The following AKAP17A variants were observed in gnomAD, a reference collection of about 807,000 sequenced individuals.
The protein encoded by AKAP17A is A-kinase anchor protein 17A.
In AKAP17A, 15 loss-of-function variants were observed where a neutral mutation model predicts 52.2. The ratio of observed to expected loss-of-function variants is 0.29; its 90% CI spans 0.19 to 0.44. The LOEUF is 0.44. Ranked by LOEUF, AKAP17A falls within the 20% of genes least tolerant of loss-of-function variation. AKAP17A has a pLI of 1.00. For missense variants in AKAP17A, 1,060 were observed against 1,007.0 expected (o/e 1.05, Z -0.71); for synonymous variants, 514 against 424.7 (o/e 1.21, Z -2.58).
rs1221538677 is a variant in AKAP17A at position 1,596,886 on chromosome X, T to TCC, written c.911+1354_911+1355insCC. Among the ~76,000 whole-genome samples the TCC allele has an allele frequency of 6.9e-4, 94 of 137,012 alleles. 20 individuals are homozygous for TCC. Among genetic ancestry groups the TCC allele is most frequent in the African/African-American group, 2.6e-3 (91 of 35,194 alleles). 89.9% of individuals were successfully genotyped at this position (137,012 alleles called of 152,430 possible). A position where few individuals can be genotyped will look rare whatever the true frequency, so the allele number is the denominator to read the frequency against. On this transcript the variant is annotated intron_variant, in intron 3 of 4. Coordinates refer to ENST00000313871, the MANE Select transcript of AKAP17A (RefSeq NM_005088.3). ...TAGTGAGGTGGATTCCTCCTCCTCC[T>TCC]TCTCCGTCCCTCCCACCCTCCTAGT...
rs1933208188 is a variant in AKAP17A, at chrX:1,599,239, A to G, written c.959A>G (p.Glu320Gly). ...EELERERKREEKLRKREQKQR... is the reference protein window; with the variant it reads ...EELERERKREGKLRKREQKQR... The stretch of plus-strand genomic sequence containing the variant: ...CTGGAGCGAGAGAGGAAAAGAGAAG[A>G]GAAGCTTCGCAAGAGGGAGCAGAAG... The change falls in exon 4 of 5, where the codon GAG (glutamate) becomes GGG (glycine). Residue 320 changes from glutamate to glycine, a missense_variant. Glu to Gly is a moderately conservative substitution (Grantham distance 98, BLOSUM62 -2). Transcript: ENST00000313871. 1 of 1,612,564 alleles carries G rather than the reference A, an allele frequency of 6.2e-7. No homozygotes were observed. Among genetic ancestry groups the G allele is most frequent in the African/African-American group, 1.3e-5 (1 of 74,876 alleles).
rs1933332043 is a variant in AKAP17A at position 1,600,912 on chromosome X, A to G, written c.1406A>G (p.Asp469Gly). The G allele has an allele frequency of 6.3e-7, 1 of 1,577,010 alleles. No homozygotes were observed. The highest frequency in any genetic ancestry group is 1.1e-5 in the South Asian group (1 of 87,728). Residue 469 changes from aspartate to glycine, a missense_variant, in exon 5 of 5, where the codon GAC becomes GGC. Asp to Gly is a moderately conservative substitution (Grantham distance 94, BLOSUM62 -1). This residue lies in a region of AKAP17A where 793 missense variants were observed against 629.9 expected (regional missense o/e 1.26). Transcript: ENST00000313871. ...AHADLLQPVL[D>G]ILQTVSSGCV... ...GCCGACCTGCTGCAGCCCGTCCTGG[A>G]CATCCTGCAGACCGTGTCGTCCGGC... is the stretch of plus-strand genomic sequence containing the variant.
At position 1,594,182 on chromosome X, in the gene AKAP17A, G is replaced by C; in HGVS notation, c.720G>C (p.Met240Ile). 1 of 1,580,264 alleles carries C rather than the reference G, an allele frequency of 6.3e-7. No homozygotes were observed. Among genetic ancestry groups the C allele is most frequent in the Non-Finnish European group, 8.6e-7 (1 of 1,160,126 alleles). The stretch of plus-strand genomic sequence containing the variant: ...GCGCCCTGCGCGGGATGAAACTCAT[G>C]TACAAGGGCGAGGACGGCAAGGCCG... ...AMSALRGMKLMYKGEDGKAVA... is the reference protein window; with the variant it reads ...AMSALRGMKLIYKGEDGKAVA... Residue 240 changes from methionine (M) to isoleucine (I), a missense_variant, in exon 2 of 5, where the codon ATG becomes ATC. Met to Ile is a conservative substitution (Grantham distance 10). Around this residue, in one of 2 missense-constraint regions of AKAP17A, gnomAD observed 267 missense variants for 377.1 expected, o/e 0.71. Coordinates refer to ENST00000313871, the MANE Select transcript of AKAP17A (RefSeq NM_005088.3).
In AKAP17A at chrX:1,601,755, C is replaced by A; in HGVS notation, c.*161C>A. On this transcript the variant is annotated 3_prime_UTR_variant, in exon 5 of 5. Coordinates refer to ENST00000313871, the MANE Select transcript of AKAP17A (RefSeq NM_005088.3). ...CGCCGGCAGGAAGGAAGACACCATG[C>A]TTTAGAGATCCATCTTTCTCCACTC... The A allele has an allele frequency of 1.7e-6, 1 of 573,978 alleles. No homozygotes were observed. The highest frequency in any genetic ancestry group is 2.7e-6 in the Non-Finnish European group (1 of 367,120). 35.6% of individuals were successfully genotyped at this position (573,978 alleles called of 1,614,324 possible).
At position 1,599,309 on chromosome X, in the gene AKAP17A, G is replaced by A. The variant is rs1189969621; in HGVS notation, c.1029G>A (p.Lys343=). The A allele has an allele frequency of 1.2e-6, 2 of 1,609,638 alleles. No homozygotes were observed. ...ELRRNQKKLE[K]LQAEEQKQLQ... is the part of the protein sequence containing the mutation. ...GCCGGAATCAGAAGAAGCTGGAGAA[G>A]CTGCAGGCGGAGGAGCAGAAGCAGC... is the stretch of plus-strand genomic sequence containing the variant. Residue 343 remains lysine (K), a synonymous_variant, in exon 4 of 5, where the codon AAG becomes AAA. Transcript: ENST00000313871.
intron 4 of AKAP17A, 151 bp downstream of exon 4, chrX:1,599,583 T>C (rs1234893919): frequency 2.0e-5 from 22 of 1,088,084 alleles, no homozygotes; most frequent in Non-Finnish European, 2.9e-5. Context: ...GACGGCTCCT[T>C]CCCGGGAGGG....
Position 1,601,488 on chromosome X carries a change from G to T in AKAP17A, c.1982G>T (p.Arg661Leu). 1 of 1,551,554 alleles carries T rather than the reference G, an allele frequency of 6.4e-7. No individual in the cohort carries two copies. The highest frequency in any genetic ancestry group is 2.3e-5 in the East Asian group (1 of 43,772). ...GACAGGCACCGGAGGGAGCGGAGCCGGGAGCGGAGGGGCAGCGCCAGCAGG... is the reference window on the plus strand; with the variant it reads ...GACAGGCACCGGAGGGAGCGGAGCCTGGAGCGGAGGGGCAGCGCCAGCAGG... ...SKDRHRRERS[R>L]ERRGSASRKH... Residue 661 changes from arginine to leucine, a missense_variant, in exon 5 of 5, where the codon CGG (arginine) becomes CTG (leucine). Arg to Leu is a moderately radical substitution (Grantham distance 102, BLOSUM62 -2). This residue lies in a region of AKAP17A where 793 missense variants were observed against 629.9 expected (regional missense o/e 1.26). Transcript: ENST00000313871.
rs1174384889 is a variant in AKAP17A, at chrX:1,600,893, C to G, written c.1387C>G (p.Leu463Val). 19 of 1,577,498 alleles carry G rather than the reference C, an allele frequency of 1.2e-5. No individual in the cohort carries two copies. The highest frequency in any genetic ancestry group is 1.5e-5 in the Non-Finnish European group (18 of 1,165,872). Residue 463 changes from leucine to valine, a missense_variant, in exon 5 of 5, where the codon CTG becomes GTG. This residue lies in a region of AKAP17A where 793 missense variants were observed against 629.9 expected (regional missense o/e 1.26). Transcript: ENST00000313871. ...CGAGCTGGGCGTGGCACACGCCGAC[C>G]TGCTGCAGCCCGTCCTGGACATCCT... ...HDELGVAHAD[L>V]LQPVLDILQT...
chrX:1,593,962 A>G lies in AKAP17A; in HGVS notation c.500A>G (p.Glu167Gly), dbSNP rs760288904. The G allele has an allele frequency of 1.9e-6, 3 of 1,604,552 alleles. No individual in the cohort carries two copies. Among genetic ancestry groups the G allele is most frequent in the Non-Finnish European group, 2.6e-6 (3 of 1,174,320 alleles). ...TTCGCCCTGAAGGAGTCGGGCTCCGAGAAGCCCAGCGAGGACGTCCTGGTC... is the reference window on the plus strand; with the variant it reads ...TTCGCCCTGAAGGAGTCGGGCTCCGGGAAGCCCAGCGAGGACGTCCTGGTC... ...KWFALKESGS[E>G]KPSEDVLVKV... Residue 167 changes from glutamate (E) to glycine (G), a missense_variant, in exon 2 of 5, where the codon GAG becomes GGG. Glu to Gly is a moderately conservative substitution (Grantham distance 98). Transcript: ENST00000313871.
chrX:1,600,666 A>G lies in AKAP17A; in HGVS notation c.1160A>G (p.Lys387Arg). The change falls in exon 5 of 5, where the codon AAG becomes AGG. Residue 387 changes from lysine (K) to arginine (R), a missense_variant. Physicochemically the swap from Lys to Arg is conservative, Grantham distance 26. Transcript: ENST00000313871. ...CTTTCCTCTTCCCCGCAGGCTGTGA[A>G]GCTACGGGAACAGGAGCAGAAGGAG... is the stretch of plus-strand genomic sequence containing the variant. ...AELLSRAKAV[K>R]LREQEQKEEK... 6.5e-7 allele frequency: 1 copy of G among 1,538,620 alleles called. No individual in the cohort carries two copies. The highest frequency in any genetic ancestry group is 8.8e-7 in the Non-Finnish European group (1 of 1,141,734).
In AKAP17A at chrX:1,593,619, G is replaced by C; in HGVS notation, c.157G>C (p.Glu53Gln). 1 of 1,613,942 alleles carries C rather than the reference G, an allele frequency of 6.2e-7. No individual in the cohort carries two copies. Among genetic ancestry groups the C allele is most frequent in the Non-Finnish European group, 8.5e-7 (1 of 1,179,874 alleles). Residue 53 changes from glutamate (E) to glutamine (Q), a missense_variant, in exon 2 of 5, where the codon GAG (glutamate) becomes CAG (glutamine). By Grantham distance (29) the Glu-to-Gln change is conservative (BLOSUM62 2). Around this residue, in one of 2 missense-constraint regions of AKAP17A, gnomAD observed 267 missense variants for 377.1 expected, o/e 0.71. Transcript: ENST00000313871. ...GKSISNWEVM[E>Q]RLKGMVQNHQ... The stretch of plus-strand genomic sequence containing the variant: ...GTCCATCTCCAACTGGGAGGTGATG[G>C]AGAGGCTGAAGGGCATGGTGCAGAA...
chrX:1,593,404 G>C (rs752676373), intron 1 of AKAP17A, 40 bp from the exon 2 acceptor site: 970 of 1,557,260 alleles, frequency 6.2e-4, no homozygotes, highest in Admixed American at 1.5e-3. Context: ...CGGGGGAGGT[G>C]GGGGGTGCTG....
rs767031850 is a variant in AKAP17A at position 1,593,800 on chromosome X, G to A, written c.338G>A (p.Arg113His). The change falls in exon 2 of 5, where the codon CGC (arginine) becomes CAC (histidine). Residue 113 changes from arginine to histidine, a missense_variant. Arg to His is a conservative substitution (Grantham distance 29). Around this residue, in one of 2 missense-constraint regions of AKAP17A, gnomAD observed 267 missense variants for 377.1 expected, o/e 0.71. Coordinates refer to ENST00000313871, the MANE Select transcript of AKAP17A (RefSeq NM_005088.3). Reference sequence around the variant, plus strand: ...GGCTTCTCCGACATCCTGAAGGTGCGCGCGGCCGAGTTCAAGATCGACTTC... The same window carrying A: ...GGCTTCTCCGACATCCTGAAGGTGCACGCGGCCGAGTTCAAGATCGACTTC... ...LSGFSDILKV[R>H]AAEFKIDFPT... 36 of 1,613,132 alleles carry A rather than the reference G, an allele frequency of 2.2e-5. No individual in the cohort carries two copies. Among genetic ancestry groups the A allele is most frequent in the Non-Finnish European group, 2.8e-5 (33 of 1,179,644 alleles).
intron 3 of AKAP17A, among the ~76,000 whole-genome samples, chrX:1,598,204 AGGGC>A (rs1933121422): frequency 6.6e-6 from 1 of 152,166 alleles, no homozygotes; most frequent in East Asian, 1.9e-4. Context: ...GACAGCTCAC[AGGGC>A]GGTTAAACCT....
rs778392654 is a variant in AKAP17A, at chrX:1,601,450, G to A, written c.1944G>A (p.Arg648=). ...STSPDHTRSR[R]SHSKDRHRRE... ...GCCCGGACCACACCCGGTCCCGGAG[G>A]TCCCACAGCAAAGACAGGCACCGGA... is the stretch of plus-strand genomic sequence containing the variant. Residue 648 remains arginine (R), a synonymous_variant, in exon 5 of 5, where the codon AGG becomes AGA. Transcript: ENST00000313871. 2.5e-6 allele frequency: 4 copies of A among 1,573,976 alleles called. No individual in the cohort carries two copies. Among genetic ancestry groups the A allele is most frequent in the Non-Finnish European group, 3.4e-6 (4 of 1,167,670 alleles).
At chrX:1,600,373 C>T (rs1344120821) in intron 4 of AKAP17A, 12 of 642,828 alleles carry the variant, frequency 1.9e-5, no homozygotes, top group Non-Finnish European at 2.9e-5. Flanking sequence ...GGGCTCGGCT[C>T]TGCCCAAGAG....
intron 3 of AKAP17A, among the ~76,000 whole-genome samples, chrX:1,598,061 C>G (rs1327995654): frequency 2.0e-5 from 3 of 151,878 alleles, no homozygotes; most frequent in Admixed American, 2.0e-4. Flanking sequence ...GTTCAGCCCT[C>G]ACGTGTAACT....
Position 1,600,782 on chromosome X carries a change from G to C in AKAP17A, c.1276G>C (p.Gly426Arg), listed in dbSNP as rs1933320117. The C allele has an allele frequency of 6.3e-7, 1 of 1,580,302 alleles. No homozygotes were observed. Among genetic ancestry groups the C allele is most frequent in the South Asian group, 1.1e-5 (1 of 87,378 alleles). The change falls in exon 5 of 5, where the codon GGC (glycine) becomes CGC (arginine). Residue 426 changes from glycine (G) to arginine (R), a missense_variant. Gly to Arg is a moderately radical substitution (Grantham distance 125). Transcript: ENST00000313871. ...RVEEEKERAL[G>R]LQRKERELRE... ...GGAGGAGGAGAAGGAGCGCGCGCTG[G>C]GCCTGCAGCGGAAAGAGCGGGAGCT...
At chrX:1,599,918 G>A (rs1201310265) in intron 4 of AKAP17A, 1 of 529,514 alleles carries the variant, frequency 1.9e-6, no homozygotes, top group African/African-American at 1.9e-5. Flanking sequence ...GAACCTGACA[G>A]GTCTCACCAG....
Sources: gnomAD v4.1 joint callset for allele counts (sites outside exome capture counted in the v4.1 genomes callset) on GRCh38, gnomAD v4.1.1 for gene constraint, gnomAD v4.1.1 regional missense constraint, MANE v1.5 for transcripts, NCBI Gene and HGNC (gene_info 2026-07-23, HGNC 2026-07-21) for gene names.